NUSAP1: variants seen among roughly 807,000 people sequenced by gnomAD.
The protein encoded by NUSAP1 is nucleolar and spindle associated protein 1.
A neutral mutation model predicts 52.8 loss-of-function variants in NUSAP1; 32 were observed. That is an observed-to-expected ratio of 0.61 (90% confidence interval 0.46 to 0.81). The LOEUF is 0.81. Ranked by LOEUF, NUSAP1 falls within the 40% of genes least tolerant of loss-of-function variation. The pLI, the probability that NUSAP1 is intolerant of heterozygous loss-of-function variation, is 0.00. For synonymous variants in NUSAP1, 195 were observed against 183.1 expected (o/e 1.06, Z -0.52); for missense variants, 499 against 522.3 (o/e 0.96, Z 0.43).
At chr15:41,373,254 C>G (rs368075716) in intron 8 of NUSAP1, among the ~76,000 whole-genome samples, 1 of 151,662 alleles carries the variant, frequency 6.6e-6, no homozygotes, top group African/African-American at 2.4e-5. Flanking sequence ...ATTAGCCGGG[C>G]GTGGTGGCAC....
At chr15:41,333,105 G>C in intron 1 of NUSAP1, 55 bp downstream of exon 1, 1 of 1,361,864 alleles carries the variant, frequency 7.3e-7, no homozygotes, top group South Asian at 1.2e-5. Context: ...TAGCGGCCTC[G>C]GGGAGATGCG....
intron 8 of NUSAP1, among the ~76,000 whole-genome samples, chr15:41,374,456 C>G (rs762514619): frequency 6.6e-6 from 1 of 152,180 alleles, no homozygotes; most frequent in Non-Finnish European, 1.5e-5. Context: ...GGCCCTACTT[C>G]CTTACACCAG....
At position 41,368,111 on chromosome 15, in the gene NUSAP1, G is replaced by A. The variant is rs377026491; in HGVS notation, c.848+2522G>A. On this transcript the variant is annotated intron_variant, in intron 7 of 10. Coordinates refer to ENST00000559596, the MANE Select transcript of NUSAP1 (RefSeq NM_016359.5). The stretch of plus-strand genomic sequence containing the variant: ...TTATTTGTTGCCTTTGTCCTTTCTT[G>A]TGGGGGGATGAATGCCAGGCATCTC... Among the ~76,000 whole-genome samples, 44 of 152,240 alleles carry A rather than the reference G, an allele frequency of 2.9e-4. No individual in the cohort carries two copies. In the Middle Eastern group the frequency reaches 0.01, roughly 35 times the overall value.
intron 1 of NUSAP1, among the ~76,000 whole-genome samples, chr15:41,333,489 T>A (rs1490905035): frequency 6.6e-6 from 1 of 152,116 alleles, no homozygotes. Flanking sequence ...AATCTCTTGA[T>A]ACTTTATTGA....
intron 2 of NUSAP1, among the ~76,000 whole-genome samples, chr15:41,344,803 T>C (rs1403976921): frequency 1.3e-5 from 2 of 152,022 alleles, no homozygotes; most frequent in African/African-American, 4.8e-5. Flanking sequence ...TAGCCGAGCA[T>C]GGATGCACAC....
At chr15:41,333,100 G>A (rs771956774) in intron 1 of NUSAP1, 50 bp downstream of exon 1, 4 of 1,417,904 alleles carry the variant, frequency 2.8e-6, no homozygotes, top group Non-Finnish European at 3.9e-6. Context: ...GGGAATAGCG[G>A]CCTCGGGGAG....
Position 41,370,563 on chromosome 15 carries a change from C to T in NUSAP1, c.849-964C>T, listed in dbSNP as rs1238504310. Among the ~76,000 whole-genome samples the T allele has an allele frequency of 2.0e-5, 3 of 151,902 alleles. No homozygotes were observed. In the South Asian group the frequency reaches 6.2e-4, roughly 32 times the overall value. On this transcript the variant is annotated intron_variant, in intron 7 of 10. Transcript: ENST00000559596. ...ATCAGGAGTTTGAGACCAGCCTGAC[C>T]AACATGGTGAAACCCCATCTCTACT...
At chr15:41,373,174 G>T (rs1388592784) in intron 8 of NUSAP1, among the ~76,000 whole-genome samples, 1 of 151,142 alleles carries the variant, frequency 6.6e-6, no homozygotes, top group Non-Finnish European at 1.5e-5. Context: ...CCATCCTTAG[G>T]CTGGGCATGG....
At position 41,351,087 on chromosome 15, in the gene NUSAP1, C is replaced by T; in HGVS notation, c.406C>T (p.Pro136Ser). 1 of 1,613,754 alleles carries T rather than the reference C, an allele frequency of 6.2e-7. No homozygotes were observed. The highest frequency in any genetic ancestry group is 8.5e-7 in the Non-Finnish European group (1 of 1,179,794). ...DLRATAKVPS[P>S]PDEHQEAENA... ...CAGAGCTACTGCAAAAGTTCCTTCT[C>T]CACCAGACGAGCACCAAGAAGCTGA... The change falls in exon 4 of 11, where the codon CCA (proline) becomes TCA (serine). Residue 136 changes from proline to serine, a missense_variant. Transcript: ENST00000559596.
intron 6 of NUSAP1, among the ~76,000 whole-genome samples, chr15:41,362,488 A>C (rs1216607929): frequency 6.7e-6 from 1 of 148,914 alleles, no homozygotes; most frequent in Non-Finnish European, 1.5e-5. Flanking sequence ...CATGATCTGC[A>C]ATCTCAGCTC....
chr15:41,340,050 G>A (rs1399998728), intron 1 of NUSAP1, among the ~76,000 whole-genome samples: 2 of 152,174 alleles, frequency 1.3e-5, no homozygotes, highest in African/African-American at 2.4e-5. Flanking sequence ...TAGGATTACA[G>A]GCATTAGTCA....
chr15:41,336,497 C>G (rs935794933), intron 1 of NUSAP1, among the ~76,000 whole-genome samples: 1 of 151,880 alleles, frequency 6.6e-6, no homozygotes, highest in African/African-American at 2.4e-5. Flanking sequence ...TGGCAAAACC[C>G]AAGCCTGATT....
At chr15:41,368,753 G>GA (rs2049533099) in intron 7 of NUSAP1, among the ~76,000 whole-genome samples, 1 of 28,154 alleles carries the variant, frequency 3.6e-5, no homozygotes, top group Non-Finnish European at 6.6e-5. Context: ...TTTTTTTTTT[G>GA]AGACAGTATT....
chr15:41,340,345 C>G (rs943538825), intron 1 of NUSAP1, among the ~76,000 whole-genome samples: 1 of 152,116 alleles, frequency 6.6e-6, no homozygotes, highest in Non-Finnish European at 1.5e-5. Flanking sequence ...CCACCCCACC[C>G]CAGTTGCCCA....
chr15:41,349,187 T>A lies in NUSAP1; in HGVS notation c.252T>A (p.His84Gln), dbSNP rs778005789. 1 of 1,613,884 alleles carries A rather than the reference T, an allele frequency of 6.2e-7. No individual in the cohort carries two copies. Among genetic ancestry groups the A allele is most frequent in the East Asian group, 2.2e-5 (1 of 44,882 alleles). ...AAGCTGAGAGACAGCCACTTGGCCATGTCACCAAAACAAGGAGAAGGTGCA... is the reference window on the plus strand; with the variant it reads ...AAGCTGAGAGACAGCCACTTGGCCAAGTCACCAAAACAAGGAGAAGGTGCA... Reference protein sequence around the residue: ...QEEAERQPLGHVTKTRRRCKT... With the variant: ...QEEAERQPLGQVTKTRRRCKT... Residue 84 changes from histidine (H) to glutamine (Q), a missense_variant, in exon 3 of 11, where the codon CAT becomes CAA. His to Gln is a conservative substitution (Grantham distance 24). Coordinates refer to ENST00000559596, the MANE Select transcript of NUSAP1 (RefSeq NM_016359.5).
chr15:41,355,575 T>C (rs1168576634), intron 4 of NUSAP1, among the ~76,000 whole-genome samples: 1 of 152,156 alleles, frequency 6.6e-6, no homozygotes, highest in Non-Finnish European at 1.5e-5. Context: ...CTGTAACTAA[T>C]TTTTTGTGCT....
chr15:41,364,020 C>G (rs1223110141), intron 6 of NUSAP1, among the ~76,000 whole-genome samples: 3 of 151,616 alleles, frequency 2.0e-5, no homozygotes, highest in Non-Finnish European at 4.4e-5. Context: ...TTTGTAGAGA[C>G]AAGATCTCCT....
intron 1 of NUSAP1, among the ~76,000 whole-genome samples, chr15:41,334,265 CGTGT>C (rs2048035789): frequency 6.6e-6 from 1 of 152,026 alleles, no homozygotes; most frequent in Non-Finnish European, 1.5e-5. Context: ...ATTACAGGCG[CGTGT>C]CACCACGCCT....
intron 3 of NUSAP1, 93 bp from the exon 4 acceptor site, chr15:41,350,895 A>C (rs1048360282): frequency 1.9e-6 from 2 of 1,067,776 alleles, no homozygotes; most frequent in Non-Finnish European, 2.6e-6. Context: ...TTCTTCCTTT[A>C]ACCCCTTTTC....
Sources: allele counts gnomAD v4.1 joint callset (sites outside exome capture counted in the v4.1 genomes callset), GRCh38; gene constraint gnomAD v4.1.1; transcripts MANE v1.5; gene names NCBI Gene and HGNC (gene_info 2026-07-23, HGNC 2026-07-21).